Variants in NR4A3 observed in about 807,000 individuals in gnomAD.
NR4A3 encodes the protein nuclear receptor subfamily 4 group A member 3.
A neutral mutation model predicts 55.6 loss-of-function variants in NR4A3; 13 were observed. The observed-to-expected ratio is 0.23, with a 90% confidence interval of 0.15 to 0.37. The LOEUF is 0.37. Ranked by LOEUF, NR4A3 falls within the 10% of genes least tolerant of loss-of-function variation. The pLI, the probability that NR4A3 is intolerant of heterozygous loss-of-function variation, is 1.00. For synonymous variants in NR4A3, 342 were observed against 357.9 expected, an observed-to-expected ratio of 0.96 and a Z score of 0.50; for missense variants, 646 against 822.8, an observed-to-expected ratio of 0.79 and a Z score of 2.63.
In NR4A3 at chr9:99,822,821, G is replaced by A. The variant is rs1827207671; in HGVS notation, c.-177+414G>A. The stretch of plus-strand genomic sequence containing the variant: ...GGTGATGAACGGCAGTAATTTTCCT[G>A]CCTTTTAAGTAGGATTGAAAATAGG... On this transcript the variant is annotated intron_variant, in intron 1 of 7. Transcript: ENST00000395097. The surrounding 1 kb of genome is among the most constrained non-coding windows in gnomAD (Gnocchi z 4.9). 6.6e-6 allele frequency among the ~76,000 whole-genome samples: 1 copy of A among 152,158 alleles called. No individual in the cohort carries two copies. Among genetic ancestry groups the A allele is most frequent in the African/African-American group, 2.4e-5 (1 of 41,436 alleles).
chr9:99,857,324 G>C (rs1236260694), intron 7 of NR4A3, among the ~76,000 whole-genome samples: 1 of 152,178 alleles, frequency 6.6e-6, no homozygotes, highest in African/African-American at 2.4e-5. Context: ...TTGAGTTTTA[G>C]ATAGAGAGGA....
chr9:99,837,195 A>G (rs1161897132), intron 5 of NR4A3, among the ~76,000 whole-genome samples: 1 of 152,132 alleles, frequency 6.6e-6, no homozygotes, highest in African/African-American at 2.4e-5. Context: ...ATATATTCTT[A>G]CATAATTTCA....
chr9:99,837,750 C>A (rs1476659094), intron 5 of NR4A3, among the ~76,000 whole-genome samples: 1 of 152,004 alleles, frequency 6.6e-6, no homozygotes, highest in Non-Finnish European at 1.5e-5. Flanking sequence ...TTGATTTGAG[C>A]CCTACAATTT....
At chr9:99,849,328 C>G (rs147240744) in intron 7 of NR4A3, among the ~76,000 whole-genome samples, 1 of 152,116 alleles carries the variant, frequency 6.6e-6, no homozygotes, top group East Asian at 1.9e-4. Flanking sequence ...CTGACTTCCT[C>G]CTGGTCTTTG....
intron 7 of NR4A3, among the ~76,000 whole-genome samples, chr9:99,853,321 C>CTTTTT (rs71370971): frequency 6.2e-4 from 76 of 123,238 alleles, no homozygotes; most frequent in African/African-American, 7.9e-4. Flanking sequence ...TAGGGAATTT[C>CTTTTT]TTTTTTTTTT....
rs547032376 is a variant in NR4A3, at chr9:99,851,905, A to T, written c.1633+4290A>T. On this transcript the variant is annotated intron_variant, in intron 7 of 7. Coordinates refer to ENST00000395097, the MANE Select transcript of NR4A3 (RefSeq NM_006981.4). The stretch of plus-strand genomic sequence containing the variant: ...ATAAATATCCACTCATTAAATAAGC[A>T]TCGAGGGCCCACTATGTACCAAGCA... Among the ~76,000 whole-genome samples the T allele has an allele frequency of 8.5e-5, 13 of 152,350 alleles. No individual in the cohort carries two copies. In the South Asian group the frequency reaches 1.0e-3, roughly 12 times the overall value.
chr9:99,847,482 C>A lies in NR4A3; in HGVS notation c.1500C>A (p.Val500=), dbSNP rs529057891. The change falls in exon 7 of 8, where the codon GTC becomes GTA. Residue 500 remains valine, a synonymous_variant. Coordinates refer to ENST00000395097, the MANE Select transcript of NR4A3 (RefSeq NM_006981.4). ...AGTTTGTGTTCTGCAATGGACTTGT[C>A]CTGCATCGACTTCAGTGCCTTCGTG... The part of the protein sequence containing the change: ...EDKFVFCNGL[V]LHRLQCLRGF... 6.2e-7 allele frequency: 1 copy of A among 1,614,206 alleles called. No homozygotes were observed. The highest frequency in any genetic ancestry group is 1.3e-5 in the African/African-American group (1 of 75,056).
At chr9:99,824,874 C>T (rs1430576774) in intron 1 of NR4A3, among the ~76,000 whole-genome samples, 7 of 152,202 alleles carry the variant, frequency 4.6e-5, no homozygotes, top group Non-Finnish European at 7.3e-5. Flanking sequence ...AGGAATGTGC[C>T]CCCGCTAGGC....
Position 99,828,473 on chromosome 9 carries a change from C to A in NR4A3, c.431C>A (p.Thr144Asn), listed in dbSNP as rs372573982. ...AAGCAGTCCCCACCGTCCACCCCCA[C>A]CACGCCGGCCTTCCCCCCGCAGGCG... Reference protein sequence around the residue: ...YFKQSPPSTPTTPAFPPQAGA... With the variant: ...YFKQSPPSTPNTPAFPPQAGA... Residue 144 changes from threonine (T) to asparagine (N), a missense_variant, in exon 3 of 8, where the codon ACC becomes AAC. By Grantham distance (65) the Thr-to-Asn change is moderately conservative (BLOSUM62 0). This residue lies in a region of NR4A3 where 426 missense variants were observed against 429.4 expected (regional missense o/e 0.99). Coordinates refer to ENST00000395097, the MANE Select transcript of NR4A3 (RefSeq NM_006981.4). This position sits in a 1 kb window ranked among gnomAD's most constrained non-coding sequence, Gnocchi z 7.7. 2 of 1,575,842 alleles carry A rather than the reference C, an allele frequency of 1.3e-6. No individual in the cohort carries two copies. Among genetic ancestry groups the A allele is most frequent in the Non-Finnish European group, 1.7e-6 (2 of 1,162,606 alleles).
intron 7 of NR4A3, among the ~76,000 whole-genome samples, chr9:99,855,047 T>A (rs551504402): frequency 2.9e-4 from 43 of 149,698 alleles, no homozygotes; most frequent in African/African-American, 8.1e-4. Context: ...GTCCTTCACA[T>A]CCCTTGTAAG....
chr9:99,840,249 A>G (rs1827629749), intron 5 of NR4A3, among the ~76,000 whole-genome samples: 1 of 152,242 alleles, frequency 6.6e-6, no homozygotes, highest in South Asian at 2.1e-4. Context: ...AGAGAAAAGT[A>G]CACACACAGG....
chr9:99,859,600 A>G (rs1827977814), intron 7 of NR4A3, among the ~76,000 whole-genome samples: 1 of 152,200 alleles, frequency 6.6e-6, no homozygotes, highest in Non-Finnish European at 1.5e-5. Flanking sequence ...TCCAGCTGGC[A>G]GGAGGTATCG....
intron 7 of NR4A3, among the ~76,000 whole-genome samples, chr9:99,851,802 A>G (rs1827854960): frequency 6.6e-6 from 1 of 152,228 alleles, no homozygotes; most frequent in Non-Finnish European, 1.5e-5. Flanking sequence ...ATGAGTTGAT[A>G]TCTGGTTGCA....
chr9:99,847,392 G>A (rs1264827413), intron 6 of NR4A3, 45 bp from the exon 7 acceptor site: 1 of 1,569,760 alleles, frequency 6.4e-7, no homozygotes, highest in Admixed American at 1.7e-5. Context: ...ATGTTGGACA[G>A]ATTGAACAGA....
chr9:99,845,430 A>G (rs1285902078), intron 6 of NR4A3, among the ~76,000 whole-genome samples: 3 of 152,226 alleles, frequency 2.0e-5, no homozygotes, highest in Non-Finnish European at 4.4e-5. Flanking sequence ...TTTCAAAAAC[A>G]TAGAACCTTG....
chr9:99,840,162 T>C (rs1466800136), intron 5 of NR4A3, among the ~76,000 whole-genome samples: 1 of 152,224 alleles, frequency 6.6e-6, no homozygotes, highest in African/African-American at 2.4e-5. Context: ...CCAAAACCAC[T>C]GCAGGTGAAG....
In NR4A3 at chr9:99,863,920, G is replaced by T. The variant is rs968207822; in HGVS notation, c.*53G>T. The stretch of plus-strand genomic sequence containing the variant: ...TCCTCTCCTAGCACCTGCTTGCTAC[G>T]CAGCAAAGGGATAGGTTTGGAAACC... On this transcript the variant is annotated 3_prime_UTR_variant, in exon 8 of 8. Coordinates refer to ENST00000395097, the MANE Select transcript of NR4A3 (RefSeq NM_006981.4). The T allele has an allele frequency of 6.4e-7, 1 of 1,560,228 alleles. No homozygotes were observed. Among genetic ancestry groups the T allele is most frequent in the East Asian group, 2.3e-5 (1 of 44,356 alleles).
intron 5 of NR4A3, 118 bp downstream of exon 5, chr9:99,833,572 C>CT (rs1253913494): frequency 6.2e-7 from 1 of 1,608,178 alleles, no homozygotes; most frequent in Non-Finnish European, 8.5e-7. Flanking sequence ...AGTTTTCATA[C>CT]TTTTTCTATA....
intron 5 of NR4A3, among the ~76,000 whole-genome samples, chr9:99,842,845 T>G (rs888271680): frequency 6.6e-6 from 1 of 152,222 alleles, no homozygotes; most frequent in Admixed American, 6.5e-5. Flanking sequence ...ATTGGTTGTG[T>G]AACTTGAGAA....
Sources: allele counts gnomAD v4.1 joint callset (sites outside exome capture counted in the v4.1 genomes callset), GRCh38; gene constraint gnomAD v4.1.1; regional missense constraint gnomAD v4.1.1; non-coding constraint Gnocchi (gnomAD v3.1); transcripts MANE v1.5; gene names NCBI Gene and HGNC (gene_info 2026-07-23, HGNC 2026-07-21).